The following PPIE variants were observed in gnomAD, a reference collection of about 807,000 sequenced individuals.
PPIE encodes peptidylprolyl isomerase E, also known as peptidyl-prolyl cis-trans isomerase E.
Under a neutral mutation model 38.4 loss-of-function variants are expected in PPIE, and 20 were observed. The ratio of observed to expected loss-of-function variants is 0.52; its 90% CI spans 0.37 to 0.76. The LOEUF is 0.76. PPIE is among the 30% of genes least tolerant of loss of function. The probability of loss-of-function intolerance (pLI) is 0.00; values close to 1 mark genes in which losing one functional copy is unlikely to be tolerated. For missense variants in PPIE, 322 were observed against 385.8 expected (o/e 0.83, Z 1.39); for synonymous variants, 142 against 135.7 (o/e 1.05, Z -0.32).
Position 39,753,335 on chromosome 1 carries a change from G to C in PPIE, c.886G>C (p.Asp296His), listed in dbSNP as rs749448341. 1 of 1,614,070 alleles carries C rather than the reference G, an allele frequency of 6.2e-7. No homozygotes were observed. Among genetic ancestry groups the C allele is most frequent in the African/African-American group, 1.3e-5 (1 of 74,944 alleles). The change falls in exon 10 of 10, where the codon GAC (aspartate) becomes CAC (histidine). Residue 296 changes from aspartate (D) to histidine (H), a missense_variant. Physicochemically the swap from Asp to His is moderately conservative, Grantham distance 81. Coordinates refer to ENST00000324379, the MANE Select transcript of PPIE (RefSeq NM_006112.4). ...GKPKQKVIIA[D>H]CGEYV Reference sequence around the variant, plus strand: ...GCCAAAGCAGAAGGTGATCATCGCCGACTGTGGGGAGTACGTGTGAGGCGG... The same window carrying C: ...GCCAAAGCAGAAGGTGATCATCGCCCACTGTGGGGAGTACGTGTGAGGCGG...
intron 1 of PPIE, among the ~76,000 whole-genome samples, chr1:39,739,762 C>T (rs1234085229): frequency 6.6e-6 from 1 of 152,004 alleles, no homozygotes; most frequent in Admixed American, 6.5e-5. Flanking sequence ...AATTAGGAAG[C>T]AAAGCAAAAA....
chr1:39,743,214 A>G lies in PPIE; in HGVS notation c.202-2A>G. On this transcript the variant is annotated splice_acceptor_variant, in intron 4 of 9. Coordinates refer to ENST00000324379, the MANE Select transcript of PPIE (RefSeq NM_006112.4). LOFTEE classifies it high-confidence loss of function. Reference sequence around the variant, plus strand: ...AAGCAGCTGGATTTTCAATCTTTTCAGAATGAATCTGAGCTTTTTGGACGT... The same window carrying G: ...AAGCAGCTGGATTTTCAATCTTTTCGGAATGAATCTGAGCTTTTTGGACGT... 1.2e-6 allele frequency: 2 copies of G among 1,613,950 alleles called. No homozygotes were observed. Among genetic ancestry groups the G allele is most frequent in the East Asian group, 2.2e-5 (1 of 44,878 alleles).
downstream of PPIE, chr1:39,757,821 A>C (rs1648451838): frequency 6.6e-6 from 1 of 152,258 alleles, no homozygotes; most frequent in Non-Finnish European, 1.5e-5. Flanking sequence ...CTTTGTGTTC[A>C]TTCACAATTG....
chr1:39,749,997 G>A (rs751125225), intron 8 of PPIE, among the ~76,000 whole-genome samples: 7 of 152,088 alleles, frequency 4.6e-5, no homozygotes, highest in Non-Finnish European at 7.4e-5. Context: ...GCCGGGCGTG[G>A]TGGCGCGTGC....
intron 8 of PPIE, among the ~76,000 whole-genome samples, chr1:39,752,613 A>G (rs1190781846): frequency 2.0e-5 from 3 of 152,178 alleles, no homozygotes; most frequent in African/African-American, 4.8e-5. Flanking sequence ...AGCTTGGACT[A>G]TGTTCTGCTC....
rs1300816052 is a variant in PPIE, at chr1:39,753,381, C to T, written c.*26C>T. On this transcript the variant is annotated 3_prime_UTR_variant, in exon 10 of 10. Transcript: ENST00000324379. ...GGCGGCACTCTCTCTGCTTCCCCCT[C>T]CGCTCTTGACCCTGCATATCCAGGA... 2.5e-6 allele frequency: 4 copies of T among 1,609,760 alleles called. No homozygotes were observed. Among genetic ancestry groups the T allele is most frequent in the Non-Finnish European group, 3.4e-6 (4 of 1,177,694 alleles).
intron 5 of PPIE, 61 bp from the exon 6 acceptor site, chr1:39,743,763 A>T (rs1647121292): frequency 7.2e-7 from 1 of 1,382,084 alleles, no homozygotes; most frequent in African/African-American, 1.4e-5. Flanking sequence ...TGACCAAAGC[A>T]GCTACTTTTC....
chr1:39,740,873 CT>C (rs1452028152), intron 2 of PPIE, among the ~76,000 whole-genome samples: 3 of 152,170 alleles, frequency 2.0e-5, no homozygotes, highest in Admixed American at 6.5e-5. Context: ...GTTATGTTGG[CT>C]TTCTAAGGGC....
rs1170664218 is a variant in PPIE at position 39,755,727 on chromosome 1, C to T, written c.*2372C>T. 1.0e-6 allele frequency: 1 copy of T among 985,264 alleles called. No homozygotes were observed. Among genetic ancestry groups the T allele is most frequent in the Admixed American group, 6.1e-5 (1 of 16,270 alleles). 61.0% of individuals were successfully genotyped at this position (985,264 alleles called of 1,614,324 possible). On this transcript the variant is annotated 3_prime_UTR_variant, in exon 10 of 10. Coordinates refer to ENST00000324379, the MANE Select transcript of PPIE (RefSeq NM_006112.4). ...GGGAGGTGGAGGCCAGTGGGCAGTT[C>T]TGAAAGCTCAGCAGGTTTGGAGCCA...
Position 39,755,157 on chromosome 1 carries a change from G to A in PPIE, c.*1802G>A. On this transcript the variant is annotated 3_prime_UTR_variant, in exon 10 of 10. Coordinates refer to ENST00000324379, the MANE Select transcript of PPIE (RefSeq NM_006112.4). ...GCGGTTATAAAGAATCTCATCTGCT[G>A]AAGGCTTTTAGCAGGGACTGAGTCC... 1 of 985,480 alleles carries A rather than the reference G, an allele frequency of 1.0e-6. No homozygotes were observed. The highest frequency in any genetic ancestry group is 1.2e-6 in the Non-Finnish European group (1 of 829,936). 61.0% of individuals were successfully genotyped at this position (985,480 alleles called of 1,614,324 possible). A position where few individuals can be genotyped will look rare whatever the true frequency, so the allele number is the denominator to read the frequency against.
chr1:39,763,791 T>A lies in PPIE; in HGVS notation c.*49T>A, dbSNP rs1455295599. 3.8e-6 allele frequency: 6 copies of A among 1,599,718 alleles called. 2 individuals carry two copies. The highest frequency in any genetic ancestry group is 1.4e-5 in the African/African-American group (1 of 72,930). On this transcript the variant is annotated 3_prime_UTR_variant, in exon 10 of 10. Coordinates refer to the PPIE transcript ENST00000356511. ...CCGGCCGTGGGAGCCGTGGACGTCA[T>A]CTGCAGGGACAGAAGGGGCAAGGTC...
Position 39,754,063 on chromosome 1 carries a change from G to A in PPIE, c.*708G>A, listed in dbSNP as rs867240748. ...ACTCAAAGTGCCTTCTCTGTGCCAA[G>A]TACTATGCCTATTTGTCAGGAGACA... On this transcript the variant is annotated 3_prime_UTR_variant, in exon 10 of 10. Coordinates refer to ENST00000324379, the MANE Select transcript of PPIE (RefSeq NM_006112.4). The A allele has an allele frequency of 1.0e-6, 1 of 985,354 alleles. No individual in the cohort carries two copies. Among genetic ancestry groups the A allele is most frequent in the East Asian group, 1.1e-4 (1 of 8,826 alleles). 61.0% of individuals were successfully genotyped at this position (985,354 alleles called of 1,614,324 possible).
chr1:39,745,282 G>A, intron 6 of PPIE, 93 bp from the exon 7 acceptor site: 1 of 1,539,848 alleles, frequency 6.5e-7, no homozygotes, highest in Non-Finnish European at 8.9e-7. Flanking sequence ...CCTACGCACT[G>A]GAGTTGTGTT....
chr1:39,763,518 TA>T (rs1157902765), intron 9 of PPIE, among the ~76,000 whole-genome samples: 1 of 143,214 alleles, frequency 7.0e-6, no homozygotes, highest in Non-Finnish European at 1.5e-5. Context: ...TTCATGGTTT[TA>T]AAAAAAACAA....
chr1:39,743,544 C>A (rs950187140), intron 5 of PPIE, among the ~76,000 whole-genome samples: 1 of 152,164 alleles, frequency 6.6e-6, no homozygotes, highest in African/African-American at 2.4e-5. Flanking sequence ...TCATCTTTCC[C>A]AGTTTTCTTG....
intron 1 of PPIE, among the ~76,000 whole-genome samples, chr1:39,739,709 T>G (rs906492285): frequency 3.3e-5 from 5 of 152,114 alleles, no homozygotes; most frequent in Admixed American, 6.5e-5. Flanking sequence ...TGAAATAGCC[T>G]GACACTTGGG....
chr1:39,740,255 A>G lies in PPIE; in HGVS notation c.122A>G (p.Tyr41Cys). Residue 41 changes from tyrosine to cysteine, a missense_variant, in exon 2 of 10, where the codon TAT (tyrosine) becomes TGT (cysteine). Transcript: ENST00000324379. ...ACAGATATTCAGATTCCTCTGGATT[A>G]TGAAACAGGTGAGTTAGTGTCTCTC... ...DITDIQIPLDYETEKHRGFAF... is the reference protein window; with the variant it reads ...DITDIQIPLDCETEKHRGFAF... The G allele has an allele frequency of 6.2e-7, 1 of 1,612,838 alleles. No homozygotes were observed. Among genetic ancestry groups the G allele is most frequent in the Non-Finnish European group, 8.5e-7 (1 of 1,178,878 alleles).
intron 9 of PPIE, 96 bp downstream of exon 9, chr1:39,753,148 C>CAGGGGCTGTGTCCAGCGGG: frequency 6.3e-7 from 1 of 1,593,400 alleles, no homozygotes; most frequent in African/African-American, 1.3e-5. Flanking sequence ...GAGAGATGGC[C>CAGGGGCTGTGTCCAGCGGG]AGGGGCTGTG....
chr1:39,760,661 C>T, downstream of PPIE: 2 of 1,476,812 alleles, frequency 1.4e-6, no homozygotes, highest in Non-Finnish European at 9.1e-7. Flanking sequence ...TGCTCCCTGC[C>T]CTGGCCATCT....
Sources: gnomAD v4.1 joint callset for allele counts (sites outside exome capture counted in the v4.1 genomes callset) on GRCh38, gnomAD v4.1.1 for gene constraint, MANE v1.5 for transcripts, NCBI Gene and HGNC (gene_info 2026-07-23, HGNC 2026-07-21) for gene names.